Variants in DCC observed in about 807,000 individuals in gnomAD.
The protein encoded by DCC is netrin receptor DCC.
Under a neutral mutation model 172.5 loss-of-function variants are expected in DCC, and 58 were observed. The ratio of observed to expected loss-of-function variants is 0.34; its 90% confidence interval spans 0.27 to 0.42. The LOEUF (loss-of-function observed/expected upper bound fraction) is 0.42. Among genes scored for constraint, DCC ranks in the 10% least tolerant of loss-of-function variants. DCC has a pLI of 1.00. For synonymous variants in DCC, 709 were observed against 644.5 expected, an observed-to-expected ratio of 1.10 and a Z score of -1.52; for missense variants, 1,740 against 1,791.0, an observed-to-expected ratio of 0.97 and a Z score of 0.51.
At chr18:52,623,379 A>G (rs2037912171) in intron 1 of DCC, among the ~76,000 whole-genome samples, 1 of 152,164 alleles carries the variant, frequency 6.6e-6, no homozygotes, top group African/African-American at 2.4e-5. Context: ...AATCAGGAAA[A>G]CAGATGCATT....
intron 1 of DCC, among the ~76,000 whole-genome samples, chr18:52,520,888 A>T (rs1384613375): frequency 6.6e-6 from 1 of 152,166 alleles, no homozygotes; most frequent in African/African-American, 2.4e-5. Flanking sequence ...CTGTGGTCAA[A>T]ACCTGTAAAC....
chr18:52,946,138 T>A (rs2040540926), intron 5 of DCC, among the ~76,000 whole-genome samples: 2 of 152,194 alleles, frequency 1.3e-5, no homozygotes, highest in African/African-American at 4.8e-5. Flanking sequence ...TTTAACAACT[T>A]TTAAACTCTG....
intron 8 of DCC, among the ~76,000 whole-genome samples, chr18:53,160,188 T>C (rs1165174338): frequency 6.6e-6 from 1 of 152,208 alleles, no homozygotes; most frequent in Non-Finnish European, 1.5e-5. Context: ...CAATCCTCTA[T>C]ACCCCCTTGG....
chr18:52,767,136 A>T (rs1317057981), intron 2 of DCC, among the ~76,000 whole-genome samples: 2 of 147,572 alleles, frequency 1.4e-5, no homozygotes, highest in African/African-American at 5.4e-5. Flanking sequence ...GATTATATTT[A>T]TCTTTTTAAA....
rs537712748 is a variant in DCC at position 52,358,967 on chromosome 18, C to T, written c.91+18089C>T. Reference sequence around the variant, plus strand: ...CCCTCTGTTAAACTCTATCATACTGCTTGTGTCTTCCAATTTATAAAATCC... The same window carrying T: ...CCCTCTGTTAAACTCTATCATACTGTTTGTGTCTTCCAATTTATAAAATCC... On this transcript the variant is annotated intron_variant, in intron 1 of 28. Coordinates refer to ENST00000442544, the MANE Select transcript of DCC (RefSeq NM_005215.4). 3.3e-5 allele frequency among the ~76,000 whole-genome samples: 5 copies of T among 152,330 alleles called. No homozygotes were observed. The East Asian group carries it at 9.7e-4, about 29-fold the overall frequency.
intron 7 of DCC, among the ~76,000 whole-genome samples, chr18:53,128,868 C>CATATATAT (rs1461421322): frequency 4.2e-4 from 24 of 57,432 alleles, no homozygotes; most frequent in East Asian, 1.7e-3. Flanking sequence ...CACACACACA[C>CATATATAT]ACATATATAT....
At chr18:53,397,548 T>C (rs1017204391) in intron 18 of DCC, 102 bp downstream of exon 18, 1 of 1,261,846 alleles carries the variant, frequency 7.9e-7, no homozygotes, top group Non-Finnish European at 1.1e-6. Flanking sequence ...TTATACCTTA[T>C]CCTATATAAA....
In DCC at chr18:52,796,064, T is replaced by TTA. The variant is rs2037870542; in HGVS notation, c.412+43691_412+43692insAT. 2.0e-5 allele frequency among the ~76,000 whole-genome samples: 3 copies of TTA among 147,910 alleles called. No individual in the cohort carries two copies. The South Asian group carries it at 6.5e-4, about 32-fold the overall frequency. ...TTGTTTTCTATAGGTACAGTTACTT[T>TTA]TTTTTTTCTGCTTTTGGTTTCCATT... On this transcript the variant is annotated intron_variant, in intron 2 of 28. Coordinates refer to ENST00000442544, the MANE Select transcript of DCC (RefSeq NM_005215.4).
In DCC at chr18:53,406,724, AG is replaced by A. The variant is rs1568112107; in HGVS notation, c.2936-3727del. ...GTCTCAAAAAAAAAAAAAGAAAGAAAGAAAAAAGAAAAAAAGTACAGGTACA... is the reference window on the plus strand; with the variant it reads ...GTCTCAAAAAAAAAAAAAGAAAGAAAAAAAAAGAAAAAAAGTACAGGTACA... On this transcript the variant is annotated intron_variant, in intron 19 of 28. Transcript: ENST00000442544. 6.9e-5 allele frequency among the ~76,000 whole-genome samples: 8 copies of A among 115,248 alleles called. 1 individual carries two copies. The highest frequency in any genetic ancestry group is 1.1e-4 in the Non-Finnish European group (5 of 46,864). 75.6% of individuals were successfully genotyped at this position (115,248 alleles called of 152,430 possible). A position where few individuals can be genotyped will look rare whatever the true frequency, so the allele number is the denominator to read the frequency against.
chr18:52,752,771 C>T (rs1018441721), intron 2 of DCC, among the ~76,000 whole-genome samples: 22 of 152,154 alleles, frequency 1.4e-4, no homozygotes, highest in African/African-American at 5.1e-4. Context: ...CTTCCCAAGC[C>T]TCTGGTAACC....
At chr18:53,155,821 G>A (rs2054722566) in intron 7 of DCC, among the ~76,000 whole-genome samples, 1 of 152,248 alleles carries the variant, frequency 6.6e-6, no homozygotes. Context: ...GAGGTCAGGA[G>A]ATCAAGACCA....
intron 5 of DCC, among the ~76,000 whole-genome samples, chr18:52,973,129 G>T (rs2041057904): frequency 6.6e-6 from 1 of 152,166 alleles, no homozygotes; most frequent in African/African-American, 2.4e-5. Context: ...ATGAGTGATT[G>T]AATAGATGCA....
intron 11 of DCC, among the ~76,000 whole-genome samples, chr18:53,213,467 G>A (rs1230436057): frequency 6.6e-6 from 1 of 151,816 alleles, no homozygotes; most frequent in Non-Finnish European, 1.5e-5. Flanking sequence ...GACCAACATG[G>A]TGAAACCCCG....
chr18:52,983,867 G>T lies in DCC; in HGVS notation c.985+58497G>T, dbSNP rs148158169. Among the ~76,000 whole-genome samples, 74 of 152,258 alleles carry T rather than the reference G, an allele frequency of 4.9e-4. 1 individual carries two copies. In the East Asian group the frequency reaches 0.014, roughly 29 times the overall value. Reference sequence around the variant, plus strand: ...GGAAGAATAAATAAGATATGTATCAGCTGGGAGAAAAAAATGACTGGTCGT... The same window carrying T: ...GGAAGAATAAATAAGATATGTATCATCTGGGAGAAAAAAATGACTGGTCGT... On this transcript the variant is annotated intron_variant, in intron 5 of 28. Transcript: ENST00000442544.
chr18:52,374,397 A>G (rs1985258208), intron 1 of DCC, among the ~76,000 whole-genome samples: 1 of 152,150 alleles, frequency 6.6e-6, no homozygotes, highest in Non-Finnish European at 1.5e-5. Flanking sequence ...GCTCCTCCAG[A>G]ACAAGTATGT....
chr18:52,773,054 A>G (rs1211781380), intron 2 of DCC, among the ~76,000 whole-genome samples: 3 of 152,178 alleles, frequency 2.0e-5, no homozygotes, highest in Non-Finnish European at 4.4e-5. Flanking sequence ...TCCCTTTATG[A>G]CTTTTATGAG....
chr18:53,093,277 A>C (rs181555968), intron 7 of DCC, among the ~76,000 whole-genome samples: 2 of 152,338 alleles, frequency 1.3e-5, no homozygotes, highest in East Asian at 3.9e-4. Flanking sequence ...ACTCTGTCTC[A>C]AAAAACTAAT....
intron 3 of DCC, among the ~76,000 whole-genome samples, chr18:52,921,608 A>T (rs2040126325): frequency 6.6e-6 from 1 of 151,898 alleles, no homozygotes; most frequent in Admixed American, 6.6e-5. Context: ...CTGAGGCAGG[A>T]GAATCCGTTG....
chr18:52,785,062 G>A (rs1598800078), intron 2 of DCC, among the ~76,000 whole-genome samples: 1 of 151,982 alleles, frequency 6.6e-6, no homozygotes, highest in African/African-American at 2.4e-5. Context: ...CAGATTGGTT[G>A]ATCAGGCACG....
Sources: gnomAD v4.1 joint callset for allele counts (sites outside exome capture counted in the v4.1 genomes callset) on GRCh38, gnomAD v4.1.1 for gene constraint, MANE v1.5 for transcripts, NCBI Gene and HGNC (gene_info 2026-07-23, HGNC 2026-07-21) for gene names.